Variants in ISX observed in about 807,000 individuals in gnomAD.
The protein encoded by ISX is intestine specific homeobox, also known as intestine-specific homeobox.
A neutral mutation model predicts 16.9 loss-of-function variants in ISX; 15 were observed. That is an observed-to-expected ratio of 0.89 (90% CI 0.59 to 1.36). ISX has a LOEUF of 1.36. Ranked by LOEUF, ISX falls within the 40% of genes most tolerant of loss-of-function variation. ISX has a pLI of 0.00. For missense variants in ISX, 316 were observed against 306.1 expected, an observed-to-expected ratio of 1.03 and a Z score of -0.24; for synonymous variants, 125 against 119.7, an observed-to-expected ratio of 1.04 and a Z score of -0.29.
At chr22:35,067,955 C>T (rs1241920616) in intron 2 of ISX, among the ~76,000 whole-genome samples, 2 of 152,222 alleles carry the variant, frequency 1.3e-5, no homozygotes, top group Non-Finnish European at 2.9e-5. Flanking sequence ...CCAGGTAGAT[C>T]GAGAGCTGGC....
intron 2 of ISX, among the ~76,000 whole-genome samples, chr22:35,078,043 T>G (rs1372508873): frequency 6.6e-6 from 1 of 152,204 alleles, no homozygotes; most frequent in East Asian, 1.9e-4. Flanking sequence ...ATTATTTCAT[T>G]TCCTGTATTC....
rs370332592 is a variant in ISX at position 35,084,401 on chromosome 22, C to G, written c.400C>G (p.Arg134Gly). 1 of 1,613,400 alleles carries G rather than the reference C, an allele frequency of 6.2e-7. No homozygotes were observed. The highest frequency in any genetic ancestry group is 8.5e-7 in the Non-Finnish European group (1 of 1,179,464). The change falls in exon 4 of 5, where the codon CGA (arginine) becomes GGA (glycine). Residue 134 changes from arginine (R) to glycine (G), a missense_variant. Coordinates refer to ENST00000404699, the MANE Select transcript of ISX (RefSeq NM_001303508.2). ...ARVQIWFQNQ[R>G]AKWRKQEKIG... is the part of the protein sequence containing the mutation. The stretch of plus-strand genomic sequence containing the variant: ...ATTACAGATCTGGTTCCAGAATCAG[C>G]GAGCCAAGTGGCGGAAGCAGGAGAA...
At chr22:35,077,409 C>A (rs1929012178) in intron 2 of ISX, among the ~76,000 whole-genome samples, 1 of 152,156 alleles carries the variant, frequency 6.6e-6, no homozygotes, top group Non-Finnish European at 1.5e-5. Context: ...AAGTGCTGAC[C>A]TTCATCATTC....
intron 2 of ISX, among the ~76,000 whole-genome samples, chr22:35,074,778 T>C (rs1928938492): frequency 6.6e-6 from 1 of 152,206 alleles, no homozygotes; most frequent in East Asian, 1.9e-4. Flanking sequence ...ATCCCCTGAC[T>C]GCACAGCTTG....
chr22:35,071,316 G>T (rs1928848252), intron 2 of ISX, among the ~76,000 whole-genome samples: 1 of 152,170 alleles, frequency 6.6e-6, no homozygotes, highest in South Asian at 2.1e-4. Context: ...ACCACAACCT[G>T]AGTGGCTTAA....
chr22:35,069,602 G>A (rs1335089451), intron 2 of ISX, among the ~76,000 whole-genome samples: 1 of 152,224 alleles, frequency 6.6e-6, no homozygotes, highest in African/African-American at 2.4e-5. Flanking sequence ...CCTGGGGAAA[G>A]GATGGTCATG....
rs766066792 is a variant in ISX, at chr22:35,067,194, T to C, written c.107T>C (p.Ile36Thr). The part of the protein sequence containing the change: ...KLSLSFSIEA[I>T]LKRPARRSDM... The stretch of plus-strand genomic sequence containing the variant: ...AGCCTGTCCTTCTCCATTGAGGCGA[T>C]CCTAAAGAGGCCTGCCAGGAGGAGT... The change falls in exon 2 of 5, where the codon ATC (isoleucine) becomes ACC (threonine). Residue 36 changes from isoleucine (I) to threonine (T), a missense_variant. Physicochemically the swap from Ile to Thr is moderately conservative, Grantham distance 89. Coordinates refer to ENST00000404699, the MANE Select transcript of ISX (RefSeq NM_001303508.2). 2.5e-5 allele frequency: 41 copies of C among 1,612,186 alleles called. No individual in the cohort carries two copies. Among genetic ancestry groups the C allele is most frequent in the Non-Finnish European group, 2.9e-5 (34 of 1,179,080 alleles).
chr22:35,069,241 T>C (rs940398449), intron 2 of ISX, among the ~76,000 whole-genome samples: 1 of 152,148 alleles, frequency 6.6e-6, no homozygotes, highest in African/African-American at 2.4e-5. Flanking sequence ...TTTGGGAAAA[T>C]GCTAAACAAA....
chr22:35,071,100 ATCCC>A, intron 2 of ISX, among the ~76,000 whole-genome samples: 3 of 152,054 alleles, frequency 2.0e-5, no homozygotes, highest in East Asian at 3.9e-4. Context: ...GGCCCTGTTC[ATCCC>A]AGGCTCACCT....
In ISX at chr22:35,074,610, T is replaced by A. The variant is rs531169724; in HGVS notation, c.229+7294T>A. Among the ~76,000 whole-genome samples, 3 of 151,772 alleles carry A rather than the reference T, an allele frequency of 2.0e-5. No individual in the cohort carries two copies. The South Asian group carries it at 6.3e-4, about 32-fold the overall frequency. ...CTTTGTAGATCTCTAATCTGGGCAT[T>A]CTGCACTTTTGCCACCTTGGTCGGC... On this transcript the variant is annotated intron_variant, in intron 2 of 4. Coordinates refer to ENST00000404699, the MANE Select transcript of ISX (RefSeq NM_001303508.2).
At chr22:35,080,049 T>C (rs1442122905) in intron 2 of ISX, among the ~76,000 whole-genome samples, 3 of 152,188 alleles carry the variant, frequency 2.0e-5, no homozygotes, top group African/African-American at 4.8e-5. Flanking sequence ...CTTATCATAA[T>C]TGGTCTCTCT....
chr22:35,083,089 C>A (rs1929160973), intron 3 of ISX, among the ~76,000 whole-genome samples: 1 of 152,218 alleles, frequency 6.6e-6, no homozygotes, highest in Non-Finnish European at 1.5e-5. Flanking sequence ...ACTGTTCAAC[C>A]AGGCCAAGGT....
intron 2 of ISX, among the ~76,000 whole-genome samples, chr22:35,076,483 G>T (rs2146291312): frequency 6.6e-6 from 1 of 152,300 alleles, no homozygotes; most frequent in Admixed American, 6.5e-5. Context: ...GTGGGCCATG[G>T]GGAGACTCCT....
intron 2 of ISX, among the ~76,000 whole-genome samples, chr22:35,071,663 C>T (rs1345756552): frequency 1.3e-5 from 2 of 152,184 alleles, no homozygotes; most frequent in African/African-American, 2.4e-5. Context: ...GAGCAAAATT[C>T]CTGGCAAAGA....
At position 35,084,443 on chromosome 22, in the gene ISX, G is replaced by A. The variant is rs779000065; in HGVS notation, c.442G>A (p.Ala148Thr). Residue 148 changes from alanine (A) to threonine (T), a missense_variant, in exon 4 of 5, where the codon GCT becomes ACT. Ala to Thr is a moderately conservative substitution (Grantham distance 58, BLOSUM62 0). Coordinates refer to ENST00000404699, the MANE Select transcript of ISX (RefSeq NM_001303508.2). Reference sequence around the variant, plus strand: ...GCAGGAGAAGATTGGCAACCTGGGGGCTCCACAGCAGCTGAGTGAAGCCAG... The same window carrying A: ...GCAGGAGAAGATTGGCAACCTGGGGACTCCACAGCAGCTGAGTGAAGCCAG... ...RKQEKIGNLG[A>T]PQQLSEASVA... 9 of 1,613,660 alleles carry A rather than the reference G, an allele frequency of 5.6e-6. No homozygotes were observed. In the East Asian group the frequency reaches 2.0e-4, roughly 36 times the overall value.
intron 2 of ISX, 71 bp from the exon 3 acceptor site, chr22:35,082,447 G>A: frequency 9.3e-6 from 14 of 1,499,828 alleles, no homozygotes; most frequent in Non-Finnish European, 1.2e-5. Flanking sequence ...GGTAGGACAA[G>A]GCAACACAAA....
At chr22:35,075,670 G>A (rs1465274960) in intron 2 of ISX, among the ~76,000 whole-genome samples, 3 of 152,104 alleles carry the variant, frequency 2.0e-5, no homozygotes. Flanking sequence ...GTGTGTGGTG[G>A]GGGGAGTACA....
intron 2 of ISX, among the ~76,000 whole-genome samples, chr22:35,071,107 G>A (rs926272889): frequency 2.0e-5 from 3 of 152,130 alleles, no homozygotes; most frequent in Non-Finnish European, 4.4e-5. Context: ...TTCATCCCAG[G>A]CTCACCTCCC....
At chr22:35,077,347 T>C (rs1329854000) in intron 2 of ISX, among the ~76,000 whole-genome samples, 2 of 152,162 alleles carry the variant, frequency 1.3e-5, no homozygotes, top group Non-Finnish European at 2.9e-5. Flanking sequence ...AACCCAAGCA[T>C]CAGCTTTCCT....
Sources: gnomAD v4.1 joint callset for allele counts (sites outside exome capture counted in the v4.1 genomes callset) on GRCh38, gnomAD v4.1.1 for gene constraint, MANE v1.5 for transcripts, NCBI Gene and HGNC (gene_info 2026-07-23, HGNC 2026-07-21) for gene names.